Variants in POLN observed in about 807,000 individuals in gnomAD.
The protein encoded by POLN is DNA polymerase N.
In POLN, 108 loss-of-function variants were observed where a neutral mutation model predicts 113.5. The ratio of observed to expected loss-of-function variants is 0.95; its 90% CI spans 0.81 to 1.12. POLN has a LOEUF of 1.12. POLN is among the 50% of genes most tolerant of loss of function. The pLI is 0.00. For missense variants in POLN, 1,097 were observed against 1,077.1 expected (o/e 1.02, Z -0.26); for synonymous variants, 386 against 391.5 (o/e 0.99, Z 0.17).
chr4:2,213,066 G>A lies in POLN; in HGVS notation c.194C>T (p.Thr65Ile). ...KYSVQLEDRK[T>I]QSPEKKDLKS... ...ATTTACCTTTTTTTCTGGTGATTGAGTCTTCCTGTCTTCAAGTTGTACTGA... is the reference window on the plus strand; with the variant it reads ...ATTTACCTTTTTTTCTGGTGATTGAATCTTCCTGTCTTCAAGTTGTACTGA... Residue 65 changes from threonine (T) to isoleucine (I), a missense_variant, in exon 4 of 26, where the codon ACT becomes ATT. Coordinates refer to ENST00000511885, the MANE Select transcript of POLN (RefSeq NM_181808.4). 2 of 1,608,302 alleles carry A rather than the reference G, an allele frequency of 1.2e-6. No homozygotes were observed. The highest frequency in any genetic ancestry group is 1.7e-6 in the Non-Finnish European group (2 of 1,177,568).
chr4:2,237,380 GA>G (rs140269831), intron 2 of POLN, among the ~76,000 whole-genome samples: 19,882 of 151,738 alleles, frequency 0.13, 1,950 homozygotes, highest in East Asian at 0.35. Flanking sequence ...AGGTTGCAGT[GA>G]GCTATCATCA....
Position 2,198,660 on chromosome 4 carries a change from C to A in POLN, c.772G>T (p.Gly258Cys), listed in dbSNP as rs1380821494. The stretch of plus-strand genomic sequence containing the variant: ...GCCGGGGCATCTGGACAGCCATGGC[C>A]ACCCTCTGCTTGGCGTTTTACTAAC... The part of the protein sequence containing the change: ...VVLVKRQAEG[G>C]HGCPDAPACG... The change falls in exon 6 of 26, where the codon GGC (glycine) becomes TGC (cysteine). Residue 258 changes from glycine to cysteine, a missense_variant. Transcript: ENST00000511885. The A allele has an allele frequency of 3.7e-6, 6 of 1,613,594 alleles. No individual in the cohort carries two copies. The South Asian group carries it at 6.6e-5, about 18-fold the overall frequency.
chr4:2,112,778 A>T (rs929119431), intron 19 of POLN, among the ~76,000 whole-genome samples: 2 of 152,304 alleles, frequency 1.3e-5, no homozygotes, highest in South Asian at 2.1e-4. Flanking sequence ...ACACTTTTAC[A>T]CTGTTGGTAG....
intron 5 of POLN, among the ~76,000 whole-genome samples, chr4:2,206,174 G>C (rs1411474280): frequency 6.6e-6 from 1 of 152,182 alleles, no homozygotes; most frequent in African/African-American, 2.4e-5. Context: ...TCAACAAATG[G>C]TGCTGAGATA....
chr4:2,145,688 A>G lies in POLN; in HGVS notation c.1731+11100T>C, dbSNP rs76746368. ...TGTAGGGCGATGAGGTCTCTATCAC[A>G]CTGCAGGTGAGAACATGAGTCAGTC... On this transcript the variant is annotated intron_variant, in intron 16 of 25. Transcript: ENST00000511885. Among the ~76,000 whole-genome samples the G allele has an allele frequency of 3.6e-3, 548 of 152,298 alleles. 4 individuals carry two copies. The highest frequency in any genetic ancestry group is 0.013 in the African/African-American group (525 of 41,556).
rs956652083 is a variant in POLN at position 2,089,765 on chromosome 4, C to G, written c.2066-4021G>C. On this transcript the variant is annotated intron_variant, in intron 20 of 25. Coordinates refer to ENST00000511885, the MANE Select transcript of POLN (RefSeq NM_181808.4). ...CTCTTTATCATTATGGACTTTAAAT[C>G]TGGTATTTCTTTGAATGCAGAATCA... is the stretch of plus-strand genomic sequence containing the variant. 18 of 723,652 alleles carry G rather than the reference C, an allele frequency of 2.5e-5. No individual in the cohort carries two copies. The African/African-American group carries it at 3.0e-4, about 12-fold the overall frequency. The allele number at this position is 723,652 out of a possible 1,614,324, so 44.8% of individuals were successfully genotyped here. A position where few individuals can be genotyped will look rare whatever the true frequency, so the allele number is the denominator to read the frequency against.
chr4:2,211,141 C>T (rs1340935363), intron 4 of POLN, among the ~76,000 whole-genome samples: 1 of 141,564 alleles, frequency 7.1e-6, no homozygotes, highest in Admixed American at 7.2e-5. Flanking sequence ...ATCCCAGCTA[C>T]TCAGAGGCTG....
At chr4:2,210,513 C>A (rs1276713302) in intron 4 of POLN, among the ~76,000 whole-genome samples, 2 of 150,852 alleles carry the variant, frequency 1.3e-5, no homozygotes, top group Non-Finnish European at 3.0e-5. Flanking sequence ...CCCAGGAGGT[C>A]AAGGCTACAG....
intron 19 of POLN, among the ~76,000 whole-genome samples, chr4:2,115,454 C>A (rs953075871): frequency 6.6e-6 from 1 of 151,978 alleles, no homozygotes; most frequent in Non-Finnish European, 1.5e-5. Flanking sequence ...TTTATCAACT[C>A]TTAATACATA....
intron 25 of POLN, 77 bp from the exon 26 acceptor site, chr4:2,072,376 GA>G (rs1730168853): frequency 8.5e-6 from 11 of 1,287,914 alleles, no homozygotes; most frequent in Non-Finnish European, 1.0e-5. Context: ...CAAGCAGGGG[GA>G]CAGGGCCTAC....
intron 19 of POLN, among the ~76,000 whole-genome samples, chr4:2,108,342 T>C (rs1259237979): frequency 6.6e-6 from 1 of 152,050 alleles, no homozygotes; most frequent in East Asian, 1.9e-4. Flanking sequence ...AGTTTCCTAA[T>C]CCATAAGATA....
chr4:2,134,060 G>T (rs10005860), intron 16 of POLN, among the ~76,000 whole-genome samples: 1 of 152,034 alleles, frequency 6.6e-6, no homozygotes, highest in African/African-American at 2.4e-5. Flanking sequence ...TGTTTACTGT[G>T]TCTACAGTTT....
At chr4:2,115,562 T>C (rs1055750018) in intron 19 of POLN, among the ~76,000 whole-genome samples, 2 of 152,234 alleles carry the variant, frequency 1.3e-5, no homozygotes, top group Admixed American at 1.3e-4. Context: ...CCTTTGTTGA[T>C]TTCCATTGGC....
chr4:2,185,617 G>A (rs971651376), intron 7 of POLN, among the ~76,000 whole-genome samples: 10 of 152,090 alleles, frequency 6.6e-5, no homozygotes, highest in East Asian at 1.9e-4. Flanking sequence ...ATGGTGGCAC[G>A]TGCCTGTAAT....
intron 19 of POLN, among the ~76,000 whole-genome samples, chr4:2,108,702 G>A (rs898206035): frequency 6.6e-6 from 1 of 152,136 alleles, no homozygotes; most frequent in African/African-American, 2.4e-5. Context: ...AAAGCATGCT[G>A]TGTGATTCTT....
intron 19 of POLN, among the ~76,000 whole-genome samples, chr4:2,109,959 T>C (rs188186681): frequency 6.6e-6 from 1 of 152,294 alleles, no homozygotes; most frequent in African/African-American, 2.4e-5. Context: ...TTTGGTATTG[T>C]TTTAGAGGTT....
intron 2 of POLN, chr4:2,240,129 T>A (rs1275561077): frequency 1.2e-6 from 2 of 1,613,886 alleles, no homozygotes; most frequent in Non-Finnish European, 1.7e-6. Context: ...TAACTGATGT[T>A]GAGCACAAAT....
At chr4:2,240,277 G>C (rs1560106758) in intron 2 of POLN, 3 of 1,613,372 alleles carry the variant, frequency 1.9e-6, no homozygotes, top group Non-Finnish European at 2.5e-6. Flanking sequence ...TGTATACCCT[G>C]AAAGAACTGT....
At chr4:2,078,657 C>T in intron 23 of POLN, 1 of 985,438 alleles carries the variant, frequency 1.0e-6, no homozygotes, top group Non-Finnish European at 1.2e-6. Flanking sequence ...CCATCCACAG[C>T]CTTTCACATT....
Sources: gnomAD v4.1 joint callset for allele counts (sites outside exome capture counted in the v4.1 genomes callset) on GRCh38, gnomAD v4.1.1 for gene constraint, MANE v1.5 for transcripts, NCBI Gene and HGNC (gene_info 2026-07-23, HGNC 2026-07-21) for gene names.